COX6C: variants seen among roughly 807,000 people sequenced by gnomAD.
COX6C encodes the protein cytochrome c oxidase polypeptide VIc.
A neutral mutation model predicts 6.9 loss-of-function variants in COX6C; 3 were observed. The ratio of observed to expected loss-of-function variants is 0.43; its 90% CI spans 0.20 to 1.12. The LOEUF (loss-of-function observed/expected upper bound fraction) is 1.12, where lower values mean the gene tolerates loss of function less well. Among genes scored for constraint, COX6C ranks in the 50% most tolerant of loss-of-function variants. The pLI is 0.27. For missense variants in COX6C, 101 were observed against 97.3 expected, an observed-to-expected ratio of 1.04 and a Z score of -0.16; for synonymous variants, 32 against 32.0, an observed-to-expected ratio of 1.00 and a Z score of 0.00.
At chr8:99,885,783 A>C (rs1183960236) in intron 3 of COX6C, among the ~76,000 whole-genome samples, 1 of 152,234 alleles carries the variant, frequency 6.6e-6, no homozygotes, top group African/African-American at 2.4e-5. Flanking sequence ...AATAAAAATA[A>C]ATTCGACATC....
chr8:99,883,471 A>ATATT (rs528881148), intron 3 of COX6C, among the ~76,000 whole-genome samples: 3,028 of 137,630 alleles, frequency 0.022, 89 homozygotes, highest in African/African-American at 0.065. Context: ...ATATATATAT[A>ATATT]TTTTTTTTTT....
At chr8:99,885,753 C>T (rs562576992) in intron 3 of COX6C, among the ~76,000 whole-genome samples, 1 of 152,158 alleles carries the variant, frequency 6.6e-6, no homozygotes, top group Admixed American at 6.5e-5. Flanking sequence ...GAATATGACA[C>T]TAAAAGCACA....
intron 2 of COX6C, among the ~76,000 whole-genome samples, chr8:99,889,993 C>G (rs1641941677): frequency 6.6e-6 from 1 of 151,876 alleles, no homozygotes; most frequent in African/African-American, 2.4e-5. Context: ...ACTCAGGAGG[C>G]TGAGGCAGGA....
chr8:99,880,999 T>C (rs1364630588), intron 3 of COX6C, among the ~76,000 whole-genome samples: 2 of 152,292 alleles, frequency 1.3e-5, no homozygotes, highest in East Asian at 3.9e-4. Context: ...AAAAGGACAC[T>C]AGTCAGTAAC....
intron 2 of COX6C, among the ~76,000 whole-genome samples, chr8:99,890,055 C>T (rs893665757): frequency 3.3e-5 from 5 of 151,788 alleles, no homozygotes; most frequent in African/African-American, 1.2e-4. Flanking sequence ...GTTCACGCCA[C>T]TGCACTCCAG....
chr8:99,889,470 C>T (rs1193142102), intron 2 of COX6C, among the ~76,000 whole-genome samples: 3 of 151,774 alleles, frequency 2.0e-5, no homozygotes, highest in Non-Finnish European at 4.4e-5. Context: ...ACTGTAACCT[C>T]CCCTTCCTGG....
Position 99,891,935 on chromosome 8 carries a change from T to G in COX6C, c.87A>C (p.Leu29=). 6.2e-7 allele frequency: 1 copy of G among 1,614,182 alleles called. No individual in the cohort carries two copies. The highest frequency in any genetic ancestry group is 1.3e-5 in the African/African-American group (1 of 75,070). Residue 29 remains leucine (L), a synonymous_variant, in exon 2 of 4, where the codon CTA becomes CTC. Coordinates refer to ENST00000520468, the MANE Select transcript of COX6C (RefSeq NM_004374.4). ...TATACAAAGCTGCAACCCCCAGGGA[T>G]AGCACGAATGCTACAGCCATATGAT... ...LRNHMAVAFV[L]SLGVAALYKF... is the part of the protein sequence containing the mutation.
chr8:99,887,407 A>C (rs1817958297), intron 3 of COX6C, 83 bp downstream of exon 3: 3 of 704,848 alleles, frequency 4.3e-6, no homozygotes, highest in South Asian at 5.0e-5. Context: ...TTAAGTCTAA[A>C]CATTGTGAGG....
rs569567095 is a variant in COX6C at position 99,889,634 on chromosome 8, C to T, written c.115-2016G>A. ...AACTCCTGACCTCAGGTGATCTGCC[C>T]GCCTCAGCCTCCCAAAGTGCTGGGA... On this transcript the variant is annotated intron_variant, in intron 2 of 3. Transcript: ENST00000520468. Among the ~76,000 whole-genome samples, 30 of 151,612 alleles carry T rather than the reference C, an allele frequency of 2.0e-4. No individual in the cohort carries two copies. In the East Asian group the frequency reaches 3.2e-3, roughly 16 times the overall value.
At chr8:99,887,386 G>T in intron 3 of COX6C, 104 bp downstream of exon 3, 1 of 587,606 alleles carries the variant, frequency 1.7e-6, no homozygotes, top group Non-Finnish European at 2.8e-6. Flanking sequence ...CCATCGTAAA[G>T]TCAAAAAATC....
At chr8:99,879,513 C>CA (rs1320572737) in intron 3 of COX6C, among the ~76,000 whole-genome samples, 2 of 152,078 alleles carry the variant, frequency 1.3e-5, no homozygotes, top group South Asian at 2.1e-4. Flanking sequence ...CAAACCCCCA[C>CA]AAAAAATAAT....
chr8:99,893,422 G>A (rs891109347), intron 1 of COX6C: 1 of 152,308 alleles, frequency 6.6e-6, no homozygotes, highest in African/African-American at 2.4e-5. Context: ...ACCCGGCTTC[G>A]GTGGGGCCGT....
At chr8:99,879,609 C>G (rs1817827439) in intron 3 of COX6C, among the ~76,000 whole-genome samples, 1 of 152,128 alleles carries the variant, frequency 6.6e-6, no homozygotes, top group South Asian at 2.1e-4. Context: ...AAGGAACCAC[C>G]TATCCAAGAA....
intron 3 of COX6C, among the ~76,000 whole-genome samples, chr8:99,886,535 G>A (rs1211097186): frequency 6.6e-6 from 1 of 152,142 alleles, no homozygotes; most frequent in Non-Finnish European, 1.5e-5. Context: ...AGAATTGATA[G>A]CAAGGCCTTG....
intron 3 of COX6C, among the ~76,000 whole-genome samples, chr8:99,883,766 A>G (rs890482279): frequency 1.3e-5 from 2 of 152,222 alleles, no homozygotes; most frequent in African/African-American, 4.8e-5. Context: ...AAAATCGTCA[A>G]CAAAACACTA....
In COX6C at chr8:99,892,880, T is replaced by G. The variant is rs562017243; in HGVS notation, c.-32+759A>C. 2.6e-5 allele frequency: 4 copies of G among 152,362 alleles called. No individual in the cohort carries two copies. In the South Asian group the frequency reaches 8.3e-4, roughly 32 times the overall value. The allele number at this position is 152,362 out of a possible 1,614,324, so 9.4% of individuals were successfully genotyped here. A position where few individuals can be genotyped will look rare whatever the true frequency, so the allele number is the denominator to read the frequency against. On this transcript the variant is annotated intron_variant, in intron 1 of 3. Transcript: ENST00000520468. ...AAATTTTCTGTCCACTCGTTAAACC[T>G]TCGCGACAACCCTGTCAGATCATGA...
At chr8:99,883,525 C>T (rs1019085008) in intron 3 of COX6C, among the ~76,000 whole-genome samples, 3 of 149,340 alleles carry the variant, frequency 2.0e-5, no homozygotes, top group African/African-American at 7.5e-5. Flanking sequence ...TGATCTCTAA[C>T]TTCTGGATTA....
intron 3 of COX6C, chr8:99,885,850 A>T (rs1371170921): frequency 1.3e-5 from 2 of 152,220 alleles, no homozygotes; most frequent in African/African-American, 4.8e-5. Flanking sequence ...ATGAAATGGG[A>T]GAAAATATTT....
At chr8:99,880,508 A>T (rs1270261923) in intron 3 of COX6C, among the ~76,000 whole-genome samples, 1 of 152,174 alleles carries the variant, frequency 6.6e-6, no homozygotes, top group African/African-American at 2.4e-5. Flanking sequence ...CGGAATCACT[A>T]GAGGGATTTA....
Sources: allele counts gnomAD v4.1 joint callset (sites outside exome capture counted in the v4.1 genomes callset), GRCh38; gene constraint gnomAD v4.1.1; transcripts MANE v1.5; gene names NCBI Gene and HGNC (gene_info 2026-07-23, HGNC 2026-07-21).